C19orf12: variants seen among roughly 807,000 people sequenced by gnomAD.
The protein encoded by C19orf12 is protein C19orf12.
C19orf12 carries 2 observed loss-of-function variants against 3.8 expected under a neutral mutation model. That is an observed-to-expected ratio of 0.53 (90% CI 0.22 to 1.66). The LOEUF (loss-of-function observed/expected upper bound fraction) is 1.66, where lower values mean the gene tolerates loss of function less well. Ranked by LOEUF, C19orf12 falls within the 40% of genes most tolerant of loss-of-function variation. The pLI is 0.20. For missense variants in C19orf12, 156 were observed against 188.8 expected (o/e 0.83, Z 1.02); for synonymous variants, 89 against 84.6 (o/e 1.05, Z -0.28).
chr19:29,699,486 AAAAAAAAAAAG>A lies in C19orf12; in HGVS notation c.*3215_*3225del, dbSNP rs949670291. On this transcript the variant is annotated 3_prime_UTR_variant, in exon 3 of 3. Transcript: ENST00000323670. The stretch of plus-strand genomic sequence containing the variant: ...CGACAGTGCGAGACTCCATCTCAAA[AAAAAAAAAAAG>A]AAAAAAAGAAAAAAATATATGTGTA... 3.1e-4 allele frequency: 35 copies of A among 111,550 alleles called. No individual in the cohort carries two copies. The highest frequency in any genetic ancestry group is 1.2e-3 in the African/African-American group (4 of 3,310). 6.9% of individuals were successfully genotyped at this position (111,550 alleles called of 1,614,324 possible). A position where few individuals can be genotyped will look rare whatever the true frequency, so the allele number is the denominator to read the frequency against.
rs1010932952 is a variant in C19orf12, at chr19:29,715,254, C to G, written c.-140G>C. On this transcript the variant is annotated 5_prime_UTR_variant, in exon 1 of 3. Coordinates refer to ENST00000323670, the MANE Select transcript of C19orf12 (RefSeq NM_031448.6). ...GGTCGCGCAGGCCTTGGTGGCGGCCCCGGCGCTGGCCCCGCCCTCCGTCCC... is the reference window on the plus strand; with the variant it reads ...GGTCGCGCAGGCCTTGGTGGCGGCCGCGGCGCTGGCCCCGCCCTCCGTCCC... The G allele has an allele frequency of 2.3e-5, 9 of 385,010 alleles. No homozygotes were observed. The highest frequency in any genetic ancestry group is 2.0e-4 in the African/African-American group (9 of 45,394). 23.8% of individuals were successfully genotyped at this position (385,010 alleles called of 1,614,324 possible).
At chr19:29,704,605 T>A (rs1167035952) in intron 2 of C19orf12, among the ~76,000 whole-genome samples, 1 of 152,238 alleles carries the variant, frequency 6.6e-6, no homozygotes, top group Non-Finnish European at 1.5e-5. Flanking sequence ...AGACCTTGTA[T>A]CCACGGAAAG....
intron 1 of C19orf12, among the ~76,000 whole-genome samples, chr19:29,712,616 G>A (rs1425946233): frequency 6.6e-6 from 1 of 152,060 alleles, no homozygotes; most frequent in African/African-American, 2.4e-5. Flanking sequence ...TGGGGCGGGG[G>A]ACTCAGAAAT....
chr19:29,707,753 T>C (rs1288988804), intron 2 of C19orf12, among the ~76,000 whole-genome samples: 1 of 152,188 alleles, frequency 6.6e-6, no homozygotes, highest in Non-Finnish European at 1.5e-5. Flanking sequence ...GGGCAAATTA[T>C]ATCTACAAAG....
At chr19:29,708,537 A>C in intron 1 of C19orf12, 114 bp from the exon 2 acceptor site, 12 of 1,317,366 alleles carry the variant, frequency 9.1e-6, no homozygotes, top group Non-Finnish European at 1.3e-5. Context: ...AGGAAAGCTC[A>C]GCAGCTCCAA....
At position 29,702,345 on chromosome 19, in the gene C19orf12, G is replaced by A. The variant is rs1422162142; in HGVS notation, c.*367C>T. ...TCTCCCAAGATGAGAAGGCCCCGGG[G>A]GGAGGATGAAGTGTGGTCAGACCGT... On this transcript the variant is annotated 3_prime_UTR_variant, in exon 3 of 3. Coordinates refer to ENST00000323670, the MANE Select transcript of C19orf12 (RefSeq NM_031448.6). 4.1e-6 allele frequency: 2 copies of A among 488,930 alleles called. No individual in the cohort carries two copies. Among genetic ancestry groups the A allele is most frequent in the Non-Finnish European group, 8.0e-6 (2 of 250,478 alleles). 30.3% of individuals were successfully genotyped at this position (488,930 alleles called of 1,614,324 possible). A position where few individuals can be genotyped will look rare whatever the true frequency, so the allele number is the denominator to read the frequency against.
In C19orf12 at chr19:29,702,696, TC is replaced by T. The variant is rs747018479; in HGVS notation, c.*15del. On this transcript the variant is annotated 3_prime_UTR_variant, in exon 3 of 3. Coordinates refer to ENST00000323670, the MANE Select transcript of C19orf12 (RefSeq NM_031448.6). ...GAGTCATTTAAAGGGGCCCCCCACC[TC>T]CCCGGAGGTGCGGCCTAGTCATCAT... The T allele has an allele frequency of 6.2e-7, 1 of 1,612,750 alleles. No homozygotes were observed. The highest frequency in any genetic ancestry group is 1.1e-5 in the South Asian group (1 of 91,022).
At position 29,699,186 on chromosome 19, in the gene C19orf12, G is replaced by A. The variant is rs1412242400; in HGVS notation, c.*3526C>T. On this transcript the variant is annotated 3_prime_UTR_variant, in exon 3 of 3. Transcript: ENST00000323670. ...AGTACGTTAGAAATATACATACATAGGCCGGGCGCAGTGGCTCACGCCTGT... is the reference window on the plus strand; with the variant it reads ...AGTACGTTAGAAATATACATACATAAGCCGGGCGCAGTGGCTCACGCCTGT... 6.6e-6 allele frequency: 3 copies of A among 453,880 alleles called. No individual in the cohort carries two copies. In the Admixed American group the frequency reaches 7.1e-5, roughly 11 times the overall value. 28.1% of individuals were successfully genotyped at this position (453,880 alleles called of 1,614,324 possible). A position where few individuals can be genotyped will look rare whatever the true frequency, so the allele number is the denominator to read the frequency against.
At chr19:29,705,257 G>C in intron 2 of C19orf12, 1 of 415,852 alleles carries the variant, frequency 2.4e-6, no homozygotes, top group South Asian at 1.7e-5. Context: ...CAAACTGAGA[G>C]ATGTTCTACG....
intron 2 of C19orf12, chr19:29,705,456 A>G (rs1181655820): frequency 2.2e-5 from 7 of 315,908 alleles, no homozygotes; most frequent in Non-Finnish European, 4.4e-5. Context: ...TGAAACCCAA[A>G]TCAAGTCTGG....
Position 29,702,784 on chromosome 19 carries a change from C to CT in C19orf12, c.353dup (p.Gln119AlafsTer22). ...TCACCAGCATGGCCAGCAGCTGCTG[C>CT]TGCAGGGCCTCGCTGCCCATGACCA... is the stretch of plus-strand genomic sequence containing the variant. On this transcript the variant is annotated frameshift_variant, in exon 3 of 3. Transcript: ENST00000323670. LOFTEE classifies it high-confidence loss of function. The CT allele has an allele frequency of 6.2e-7, 1 of 1,613,902 alleles. No individual in the cohort carries two copies. Among genetic ancestry groups the CT allele is most frequent in the East Asian group, 2.2e-5 (1 of 44,854 alleles).
At chr19:29,711,332 G>A (rs529986784) in intron 1 of C19orf12, among the ~76,000 whole-genome samples, 6 of 152,252 alleles carry the variant, frequency 3.9e-5, no homozygotes, top group Non-Finnish European at 8.8e-5. Flanking sequence ...GAGCCACTAC[G>A]TCCAGCACAA....
rs1332304046 is a variant in C19orf12, at chr19:29,702,228, A to T, written c.*484T>A. The T allele has an allele frequency of 2.2e-6, 1 of 454,746 alleles. No homozygotes were observed. Among genetic ancestry groups the T allele is most frequent in the Non-Finnish European group, 4.4e-6 (1 of 227,262 alleles). 28.2% of individuals were successfully genotyped at this position (454,746 alleles called of 1,614,324 possible). On this transcript the variant is annotated 3_prime_UTR_variant, in exon 3 of 3. Transcript: ENST00000323670. ...ACGGTTGCACTAGGAGGTAAACATG[A>T]TTCCAGCATGGGCTGCTCCAAGGCC...
At chr19:29,707,035 T>C (rs1188792892) in intron 2 of C19orf12, among the ~76,000 whole-genome samples, 8 of 152,228 alleles carry the variant, frequency 5.3e-5, no homozygotes, top group African/African-American at 1.4e-4. Context: ...CTTTCATTCA[T>C]TGCCTGAAAT....
At chr19:29,712,200 T>C (rs1972715592) in intron 1 of C19orf12, among the ~76,000 whole-genome samples, 1 of 151,982 alleles carries the variant, frequency 6.6e-6, no homozygotes, top group Non-Finnish European at 1.5e-5. Flanking sequence ...GGTCAAGAGA[T>C]CGAGACTATC....
chr19:29,711,942 C>T (rs1972703047), intron 1 of C19orf12, among the ~76,000 whole-genome samples: 1 of 152,186 alleles, frequency 6.6e-6, no homozygotes, highest in South Asian at 2.1e-4. Context: ...ATAGTTAGGG[C>T]AAGGGTCCTT....
chr19:29,714,685 C>T (rs2145660765), intron 1 of C19orf12, among the ~76,000 whole-genome samples: 1 of 138,094 alleles, frequency 7.2e-6, no homozygotes, highest in Non-Finnish European at 1.6e-5. Context: ...CACCCCCAGC[C>T]CCGCCCCTGC....
In C19orf12 at chr19:29,708,363, C is replaced by T. The variant is rs768224731; in HGVS notation, c.51G>A (p.Gly17=). 11 of 1,614,022 alleles carry T rather than the reference C, an allele frequency of 6.8e-6. No homozygotes were observed. The East Asian group carries it at 2.5e-4, about 36-fold the overall frequency. ...DIMKLLCSLS[G]ERKMKAAVKH... is the part of the protein sequence containing the mutation. Reference sequence around the variant, plus strand: ...TGACAGCCGCCTTCATCTTCCTCTCCCCAGAAAGGGAGCACAGCAGCTTCA... The same window carrying T: ...TGACAGCCGCCTTCATCTTCCTCTCTCCAGAAAGGGAGCACAGCAGCTTCA... Residue 17 remains glycine (G), a synonymous_variant, in exon 2 of 3, where the codon GGG becomes GGA. Transcript: ENST00000323670.
chr19:29,712,520 C>A (rs1482757615), intron 1 of C19orf12, among the ~76,000 whole-genome samples: 1 of 152,154 alleles, frequency 6.6e-6, no homozygotes, highest in African/African-American at 2.4e-5. Context: ...CACCACCCAA[C>A]CTTTTTCACA....
Sources: gnomAD v4.1 joint callset for allele counts (sites outside exome capture counted in the v4.1 genomes callset) on GRCh38, gnomAD v4.1.1 for gene constraint, MANE v1.5 for transcripts, NCBI Gene and HGNC (gene_info 2026-07-23, HGNC 2026-07-21) for gene names.